TIAM1: variants seen among roughly 807,000 people sequenced by gnomAD.
TIAM1 encodes rho guanine nucleotide exchange factor TIAM1.
In TIAM1, 65 loss-of-function variants were observed where a neutral mutation model predicts 163.5. That is an observed-to-expected ratio of 0.40 (90% CI 0.33 to 0.49). TIAM1 has a LOEUF of 0.49. Ranked by LOEUF, TIAM1 falls within the 20% of genes least tolerant of loss-of-function variation. The pLI, the probability that TIAM1 is intolerant of heterozygous loss-of-function variation, is 0.77. For synonymous variants in TIAM1, 833 were observed against 810.1 expected, an observed-to-expected ratio of 1.03 and a Z score of -0.48; for missense variants, 1,789 against 2,044.7, an observed-to-expected ratio of 0.87 and a Z score of 2.41.
At chr21:31,259,324 A>G (rs2072311446) in intron 4 of TIAM1, among the ~76,000 whole-genome samples, 1 of 151,994 alleles carries the variant, frequency 6.6e-6, no homozygotes, top group South Asian at 2.1e-4. Flanking sequence ...TTTGGTAGAG[A>G]CAAGGTCTCA....
At position 31,290,646 on chromosome 21, in the gene TIAM1, C is replaced by CAAA. The variant is rs200030849; in HGVS notation, c.-188-13741_-188-13739dup. 1.8e-3 allele frequency among the ~76,000 whole-genome samples: 115 copies of CAAA among 63,190 alleles called. 2 individuals carry two copies. The highest frequency in any genetic ancestry group is 2.8e-3 in the African/African-American group (40 of 14,398). The allele number at this position is 63,190 out of a possible 152,430, so 41.5% of individuals were successfully genotyped here. A position where few individuals can be genotyped will look rare whatever the true frequency, so the allele number is the denominator to read the frequency against. On this transcript the variant is annotated intron_variant, in intron 2 of 27. Coordinates refer to ENST00000541036, the MANE Select transcript of TIAM1 (RefSeq NM_001353694.2). ...CCGGTAACAGAGCAAGACTCTATCT[C>CAAA]AAAAAAAAAAAAAAAAAAAAAAAAA...
chr21:31,535,436 ATTT>A (rs1029454578), intron 1 of TIAM1, among the ~76,000 whole-genome samples: 8 of 148,022 alleles, frequency 5.4e-5, no homozygotes, highest in African/African-American at 2.0e-4. Flanking sequence ...TCTTGTTCCA[ATTT>A]TTTCTCTTAT....
intron 16 of TIAM1, among the ~76,000 whole-genome samples, chr21:31,157,599 T>C (rs1190727046): frequency 6.6e-6 from 1 of 152,050 alleles, no homozygotes; most frequent in African/African-American, 2.4e-5. Flanking sequence ...CTGAATAGAA[T>C]GCCATTCCAT....
intron 2 of TIAM1, among the ~76,000 whole-genome samples, chr21:31,382,699 T>C (rs1001869150): frequency 3.9e-5 from 6 of 152,176 alleles, no homozygotes; most frequent in African/African-American, 1.4e-4. Flanking sequence ...TGTCAGTCAA[T>C]TGGTGATATT....
intron 11 of TIAM1, 42 bp from the exon 12 acceptor site, chr21:31,203,054 T>C (rs374603381): frequency 9.4e-6 from 14 of 1,491,362 alleles, no homozygotes; most frequent in East Asian, 2.3e-5. Context: ...GTCTGTTCAA[T>C]AGTAAATAGG....
intron 24 of TIAM1, among the ~76,000 whole-genome samples, chr21:31,130,545 G>C (rs1226851142): frequency 6.6e-6 from 1 of 152,108 alleles, no homozygotes; most frequent in Non-Finnish European, 1.5e-5. Context: ...AGTGAAGAGA[G>C]ACACACAGAG....
chr21:31,183,846 C>G (rs1393852757), intron 14 of TIAM1, among the ~76,000 whole-genome samples: 2 of 151,824 alleles, frequency 1.3e-5, no homozygotes, highest in African/African-American at 4.8e-5. Flanking sequence ...AGGCACTCAC[C>G]ACCACGCCCA....
chr21:31,516,877 C>T (rs1194978394), intron 1 of TIAM1, among the ~76,000 whole-genome samples: 1 of 151,216 alleles, frequency 6.6e-6, no homozygotes, highest in East Asian at 1.9e-4. Context: ...TGGTGAAACC[C>T]CATCTCTACT....
chr21:31,191,776 G>C (rs982633983), intron 13 of TIAM1, among the ~76,000 whole-genome samples: 1 of 152,196 alleles, frequency 6.6e-6, no homozygotes. Context: ...GAGTAATTCA[G>C]TGACTTTAAC....
At chr21:31,152,960 T>C in intron 18 of TIAM1, 106 bp downstream of exon 18, 1 of 1,350,210 alleles carries the variant, frequency 7.4e-7, no homozygotes. Flanking sequence ...TACAATTAAA[T>C]AAATTTAAAA....
chr21:31,139,965 A>G (rs2146268835), intron 22 of TIAM1, among the ~76,000 whole-genome samples: 1 of 152,310 alleles, frequency 6.6e-6, no homozygotes, highest in South Asian at 2.1e-4. Context: ...CTCATTTACA[A>G]TTCACCTCAA....
At chr21:31,511,675 G>A (rs954848281) in intron 1 of TIAM1, among the ~76,000 whole-genome samples, 3 of 152,174 alleles carry the variant, frequency 2.0e-5, no homozygotes, top group African/African-American at 4.8e-5. Context: ...GTGAAATCCC[G>A]AAGAATCCTG....
intron 13 of TIAM1, among the ~76,000 whole-genome samples, chr21:31,187,547 A>G (rs1323814462): frequency 1.3e-5 from 2 of 152,160 alleles, no homozygotes; most frequent in African/African-American, 4.8e-5. Flanking sequence ...CTTTAATACA[A>G]TTCTGCAAAC....
At chr21:31,299,507 T>C (rs535512968) in intron 2 of TIAM1, among the ~76,000 whole-genome samples, 2 of 152,312 alleles carry the variant, frequency 1.3e-5, no homozygotes, top group African/African-American at 2.4e-5. Context: ...CTTGACACAA[T>C]GGGAAAAGCC....
intron 19 of TIAM1, among the ~76,000 whole-genome samples, chr21:31,150,561 A>G (rs1206227336): frequency 2.6e-5 from 4 of 152,216 alleles, no homozygotes; most frequent in Admixed American, 6.5e-5. Context: ...TTCCTACATT[A>G]AACCATAACA....
intron 2 of TIAM1, among the ~76,000 whole-genome samples, chr21:31,373,705 A>C (rs1377789328): frequency 6.6e-6 from 1 of 152,180 alleles, no homozygotes; most frequent in African/African-American, 2.4e-5. Context: ...AGATGAGAGA[A>C]GAGTAATAAG....
intron 2 of TIAM1, among the ~76,000 whole-genome samples, chr21:31,369,793 G>A (rs1231545202): frequency 2.0e-5 from 3 of 152,130 alleles, no homozygotes; most frequent in South Asian, 2.1e-4. Flanking sequence ...TTCGAGACCA[G>A]CCTGATCAAC....
intron 2 of TIAM1, among the ~76,000 whole-genome samples, chr21:31,398,354 G>A (rs1259733229): frequency 1.3e-5 from 2 of 152,108 alleles, no homozygotes; most frequent in South Asian, 4.1e-4. Flanking sequence ...GGGCCTGGGG[G>A]AGACCTGGTC....
At chr21:31,531,021 T>C (rs958006355) in intron 1 of TIAM1, among the ~76,000 whole-genome samples, 3 of 152,162 alleles carry the variant, frequency 2.0e-5, no homozygotes, top group Non-Finnish European at 4.4e-5. Context: ...AGATGGCGGC[T>C]TGTACTTTTC....
Sources: gnomAD v4.1 joint callset for allele counts (sites outside exome capture counted in the v4.1 genomes callset) on GRCh38, gnomAD v4.1.1 for gene constraint, MANE v1.5 for transcripts, NCBI Gene and HGNC (gene_info 2026-07-23, HGNC 2026-07-21) for gene names.